The following SYN2 variants were observed in gnomAD, a reference collection of about 807,000 sequenced individuals.
SYN2 encodes synapsin II, also known as synapsin-2.
Under a neutral mutation model 50.9 loss-of-function variants are expected in SYN2, and 19 were observed. That is an observed-to-expected ratio of 0.37 (90% CI 0.26 to 0.55). The LOEUF is 0.55. SYN2 is among the 20% of genes least tolerant of loss of function. The pLI, the probability that SYN2 is intolerant of heterozygous loss-of-function variation, is 0.81. For synonymous variants in SYN2, 255 were observed against 224.9 expected (o/e 1.13, Z -1.20); for missense variants, 587 against 576.4 (o/e 1.02, Z -0.19).
chr3:12,175,335 T>C (rs1009214490), intron 10 of SYN2, among the ~76,000 whole-genome samples: 3 of 152,218 alleles, frequency 2.0e-5, no homozygotes, highest in Admixed American at 6.5e-5. Context: ...ATCTTGGCAG[T>C]GTGCAAGTGG....
At chr3:12,157,490 G>C in intron 5 of SYN2, 1 of 1,613,954 alleles carries the variant, frequency 6.2e-7, no homozygotes, top group East Asian at 2.2e-5. Flanking sequence ...TCACTGCATA[G>C]GAAGAGAAAA....
At chr3:12,099,177 A>G (rs1316080524) in intron 1 of SYN2, among the ~76,000 whole-genome samples, 1 of 152,172 alleles carries the variant, frequency 6.6e-6, no homozygotes, top group African/African-American at 2.4e-5. Context: ...AATATCAACA[A>G]GGAAATAGAG....
intron 1 of SYN2, among the ~76,000 whole-genome samples, chr3:12,111,409 TG>T (rs1357337638): frequency 6.6e-6 from 1 of 152,186 alleles, no homozygotes; most frequent in Non-Finnish European, 1.5e-5. Context: ...ACTTACCTAA[TG>T]GGGTTGTGGT....
At chr3:12,112,077 G>C (rs1251021529) in intron 1 of SYN2, among the ~76,000 whole-genome samples, 2 of 152,192 alleles carry the variant, frequency 1.3e-5, no homozygotes, top group African/African-American at 4.8e-5. Context: ...TCTCTGCTAA[G>C]AGGGGGAGCA....
intron 1 of SYN2, among the ~76,000 whole-genome samples, chr3:12,082,313 C>T (rs1331193660): frequency 6.6e-6 from 1 of 152,180 alleles, no homozygotes; most frequent in Non-Finnish European, 1.5e-5. Flanking sequence ...CTCTGCCTAG[C>T]ACATACCAAA....
chr3:12,062,529 C>T (rs1695134341), intron 1 of SYN2, among the ~76,000 whole-genome samples: 1 of 151,948 alleles, frequency 6.6e-6, no homozygotes, highest in Admixed American at 6.6e-5. Context: ...TTGAAAATTT[C>T]TGCTCTATAG....
intron 1 of SYN2, among the ~76,000 whole-genome samples, chr3:12,068,004 A>G (rs1695257590): frequency 6.6e-6 from 1 of 152,202 alleles, no homozygotes; most frequent in Non-Finnish European, 1.5e-5. Flanking sequence ...AGATGCAGTG[A>G]GCTGTGATTA....
At chr3:12,006,956 G>T (rs1693813842) in intron 1 of SYN2, among the ~76,000 whole-genome samples, 1 of 152,196 alleles carries the variant, frequency 6.6e-6, no homozygotes, top group East Asian at 1.9e-4. Context: ...GCAGGAATTT[G>T]ACCCTTCTGT....
rs1179998029 is a variant in SYN2 at position 12,020,728 on chromosome 3, T to C, written c.377+15800T>C. ...CTCCTCTCCCCTTCTTGGGGGTATTTATTTTGAGGTTTCCCATGTACTTCA... is the reference window on the plus strand; with the variant it reads ...CTCCTCTCCCCTTCTTGGGGGTATTCATTTTGAGGTTTCCCATGTACTTCA... On this transcript the variant is annotated intron_variant, in intron 1 of 12. Transcript: ENST00000621198. Among the ~76,000 whole-genome samples the C allele has an allele frequency of 5.9e-5, 9 of 152,234 alleles. No individual in the cohort carries two copies. In the South Asian group the frequency reaches 1.7e-3, roughly 28 times the overall value.
chr3:12,048,701 C>T (rs1262595550), intron 1 of SYN2, among the ~76,000 whole-genome samples: 1 of 152,114 alleles, frequency 6.6e-6, no homozygotes, highest in Non-Finnish European at 1.5e-5. Context: ...TCATTTCATC[C>T]TCTCAGCAGT....
In SYN2 at chr3:12,187,146, C is replaced by G. The variant is rs73125107; in HGVS notation, c.1370-223C>G. Among the ~76,000 whole-genome samples, 1,165 of 152,276 alleles carry G rather than the reference C, an allele frequency of 7.7e-3. 12 individuals carry two copies. The highest frequency in any genetic ancestry group is 0.026 in the African/African-American group (1,097 of 41,552). ...TGGTTCCTCCTTGTCCTGCTGACTG[C>G]TGCTGTGGCTGAGTTGCTCCGTTTC... On this transcript the variant is annotated intron_variant, in intron 11 of 12. Transcript: ENST00000621198.
At chr3:12,043,240 T>C (rs1167364953) in intron 1 of SYN2, among the ~76,000 whole-genome samples, 9 of 152,082 alleles carry the variant, frequency 5.9e-5, no homozygotes, top group Admixed American at 5.9e-4. Flanking sequence ...CCCAGGCTGG[T>C]CTCGAGCGCC....
chr3:12,137,108 C>T (rs1350851167), intron 1 of SYN2, among the ~76,000 whole-genome samples: 1 of 151,968 alleles, frequency 6.6e-6, no homozygotes, highest in Non-Finnish European at 1.5e-5. Context: ...ATTAGCCTGG[C>T]GTGGTGGCAT....
At chr3:12,167,602 CT>C (rs376215814) in intron 8 of SYN2, among the ~76,000 whole-genome samples, 5,470 of 145,872 alleles carry the variant, frequency 0.037, 283 homozygotes, top group African/African-American at 0.12. Flanking sequence ...CAAAATAAAC[CT>C]TTTTTTTTTT....
chr3:12,149,393 T>C (rs1308504317), intron 4 of SYN2, among the ~76,000 whole-genome samples: 1 of 152,134 alleles, frequency 6.6e-6, no homozygotes, highest in Non-Finnish European at 1.5e-5. Context: ...TGAGCAGGTG[T>C]GGAGAATCAG....
intron 10 of SYN2, among the ~76,000 whole-genome samples, chr3:12,176,285 A>G (rs1698066627): frequency 1.3e-5 from 2 of 152,192 alleles, no homozygotes; most frequent in Non-Finnish European, 1.5e-5. Flanking sequence ...TAAAGATGGC[A>G]TCTGGTCCTC....
At position 12,162,050 on chromosome 3, in the gene SYN2, C is replaced by G. The variant is rs1697662437; in HGVS notation, c.876C>G (p.Ala292=). The change falls in exon 7 of 13, where the codon GCC becomes GCG. Residue 292 remains alanine, a synonymous_variant. Coordinates refer to ENST00000621198, the MANE Select transcript of SYN2 (RefSeq NM_133625.6). ...ACCACTACGACTTCCAGGACATTGC[C>G]AGCGTGGTGGCTCTCACCCAGACCT... ...VENHYDFQDI[A]SVVALTQTYA... is the part of the protein sequence containing the mutation. The G allele has an allele frequency of 6.2e-7, 1 of 1,613,904 alleles. No individual in the cohort carries two copies. Among genetic ancestry groups the G allele is most frequent in the African/African-American group, 1.3e-5 (1 of 74,918 alleles).
chr3:12,071,200 C>T (rs1380727144), intron 1 of SYN2: 2 of 552,644 alleles, frequency 3.6e-6, no homozygotes, highest in East Asian at 4.7e-5. Context: ...TGCCCTGGCA[C>T]CCAGCACCAT....
chr3:12,089,497 A>G (rs75353030), intron 1 of SYN2, among the ~76,000 whole-genome samples: 7,512 of 152,252 alleles, frequency 0.049, 256 homozygotes, highest in East Asian at 0.14. Context: ...ATCAATGCGC[A>G]ATCATTATTT....
Sources: allele counts gnomAD v4.1 joint callset (sites outside exome capture counted in the v4.1 genomes callset), GRCh38; gene constraint gnomAD v4.1.1; transcripts MANE v1.5; gene names NCBI Gene and HGNC (gene_info 2026-07-23, HGNC 2026-07-21).